TMCC1: variants seen among roughly 807,000 people sequenced by gnomAD.
The protein encoded by TMCC1 is transmembrane and coiled-coil domains protein 1.
A neutral mutation model predicts 52.4 loss-of-function variants in TMCC1; 15 were observed. The observed-to-expected ratio is 0.29, with a 90% CI of 0.19 to 0.44. The LOEUF (loss-of-function observed/expected upper bound fraction) is 0.44, where lower values mean the gene tolerates loss of function less well. TMCC1 is among the 20% of genes least tolerant of loss of function. The pLI is 1.00. For missense variants in TMCC1, 503 were observed against 806.0 expected, an observed-to-expected ratio of 0.62 and a Z score of 4.55; for synonymous variants, 279 against 301.9, an observed-to-expected ratio of 0.92 and a Z score of 0.79.
intron 4 of TMCC1, among the ~76,000 whole-genome samples, chr3:129,813,045 C>T (rs956307127): frequency 2.6e-5 from 4 of 152,114 alleles, no homozygotes; most frequent in Non-Finnish European, 4.4e-5. Context: ...CATGCAGCAA[C>T]AGGCTTATGA....
chr3:129,856,558 G>A (rs1238413174), intron 2 of TMCC1, among the ~76,000 whole-genome samples: 1 of 152,130 alleles, frequency 6.6e-6, no homozygotes, highest in Non-Finnish European at 1.5e-5. Context: ...ATGTCAAACA[G>A]TATTTCAAAC....
chr3:129,714,529 A>G (rs1227893220), intron 4 of TMCC1, among the ~76,000 whole-genome samples: 1 of 152,238 alleles, frequency 6.6e-6, no homozygotes. Flanking sequence ...ATATAAAGGT[A>G]GGCCCATTTG....
At chr3:129,858,076 C>T (rs189332042) in intron 2 of TMCC1, among the ~76,000 whole-genome samples, 10 of 151,506 alleles carry the variant, frequency 6.6e-5, no homozygotes, top group Admixed American at 1.3e-4. Context: ...ACAATGCTAA[C>T]ACAACTTTCT....
chr3:129,834,741 C>A (rs549770535), intron 2 of TMCC1, among the ~76,000 whole-genome samples: 12 of 152,078 alleles, frequency 7.9e-5, no homozygotes, highest in African/African-American at 2.7e-4. Context: ...AAGGAATGAG[C>A]GCACAAAGTA....
intron 5 of TMCC1, among the ~76,000 whole-genome samples, chr3:129,662,356 ACAGT>A (rs1253239176): frequency 6.6e-6 from 1 of 152,220 alleles, no homozygotes; most frequent in Non-Finnish European, 1.5e-5. Context: ...GCTGTATGGT[ACAGT>A]CAATTGTTCC....
At chr3:129,666,506 A>G (rs1259970883) in intron 5 of TMCC1, among the ~76,000 whole-genome samples, 1 of 152,100 alleles carries the variant, frequency 6.6e-6, no homozygotes, top group East Asian at 1.9e-4. Flanking sequence ...TGGGAGGCTG[A>G]GGTGGGTGGA....
intron 4 of TMCC1, among the ~76,000 whole-genome samples, chr3:129,790,033 A>G (rs1413223650): frequency 9.2e-5 from 14 of 152,198 alleles, no homozygotes; most frequent in Admixed American, 9.2e-4. Flanking sequence ...TTTTTTCACC[A>G]TATGAAAAAT....
intron 4 of TMCC1, among the ~76,000 whole-genome samples, chr3:129,794,870 G>A (rs553292221): frequency 2.2e-3 from 337 of 152,208 alleles, no homozygotes; most frequent in African/African-American, 7.8e-3. Flanking sequence ...AGACAGCAAC[G>A]CACCCTTCTC....
At chr3:129,783,212 G>A (rs1053665372) in intron 4 of TMCC1, among the ~76,000 whole-genome samples, 2 of 152,106 alleles carry the variant, frequency 1.3e-5, no homozygotes, top group Admixed American at 1.3e-4. Context: ...GATTCAGAAA[G>A]GTATCAGATC....
chr3:129,708,946 T>C (rs1425855063), intron 4 of TMCC1, among the ~76,000 whole-genome samples: 1 of 152,192 alleles, frequency 6.6e-6, no homozygotes, highest in Non-Finnish European at 1.5e-5. Context: ...AGAAAATCTG[T>C]TTAATATCCT....
chr3:129,675,576 T>G (rs1242778592), intron 4 of TMCC1, among the ~76,000 whole-genome samples: 1 of 152,214 alleles, frequency 6.6e-6, no homozygotes, highest in Non-Finnish European at 1.5e-5. Context: ...CTAGAATATA[T>G]TCCCGTCCAA....
chr3:129,746,777 G>A (rs949198401), intron 4 of TMCC1, among the ~76,000 whole-genome samples: 4 of 152,200 alleles, frequency 2.6e-5, no homozygotes, highest in Non-Finnish European at 5.9e-5. Flanking sequence ...GTTGGGGTAA[G>A]AGTCTGTTGT....
At chr3:129,659,053 T>C (rs78300484) in intron 5 of TMCC1, among the ~76,000 whole-genome samples, 1 of 151,998 alleles carries the variant, frequency 6.6e-6, no homozygotes, top group East Asian at 1.9e-4. Flanking sequence ...TAGAGTTTGA[T>C]TCTTTGTAGT....
intron 4 of TMCC1, among the ~76,000 whole-genome samples, chr3:129,726,106 T>C (rs2050060581): frequency 6.6e-6 from 1 of 152,160 alleles, no homozygotes; most frequent in Admixed American, 6.5e-5. Flanking sequence ...GGAATAGGCA[T>C]TAATATGGAA....
At chr3:129,761,190 T>A (rs1315448478) in intron 4 of TMCC1, among the ~76,000 whole-genome samples, 3 of 140,428 alleles carry the variant, frequency 2.1e-5, no homozygotes, top group Admixed American at 2.1e-4. Context: ...TGGCCGGGCG[T>A]AGTGGCAGGC....
At chr3:129,865,374 C>T (rs1031950131) in intron 2 of TMCC1, among the ~76,000 whole-genome samples, 1 of 151,228 alleles carries the variant, frequency 6.6e-6, no homozygotes, top group South Asian at 2.1e-4. Context: ...TTGTTTCAAA[C>T]TCGTGGGCTC....
intron 4 of TMCC1, among the ~76,000 whole-genome samples, chr3:129,707,034 A>T (rs1031267569): frequency 3.3e-5 from 5 of 152,166 alleles, no homozygotes; most frequent in African/African-American, 1.2e-4. Flanking sequence ...GGGGATAGAT[A>T]TGAATGACTG....
rs1052698984 is a variant in TMCC1, at chr3:129,893,707, G to C, written c.-648C>G. ...CCGGCGCGGGAGGGCGAACCGGCGCGAGAGAGCGAGCGCGCGCGCGCCCCC... is the reference window on the plus strand; with the variant it reads ...CCGGCGCGGGAGGGCGAACCGGCGCCAGAGAGCGAGCGCGCGCGCGCCCCC... On this transcript the variant is annotated 5_prime_UTR_variant, in exon 1 of 7. Coordinates refer to ENST00000393238, the MANE Select transcript of TMCC1 (RefSeq NM_001017395.5). 139 of 148,950 alleles carry C rather than the reference G, an allele frequency of 9.3e-4. No individual in the cohort carries two copies. The highest frequency in any genetic ancestry group is 3.1e-3 in the African/African-American group (127 of 41,018). The allele number at this position is 148,950 out of a possible 1,614,324, so 9.2% of individuals were successfully genotyped here. A position where few individuals can be genotyped will look rare whatever the true frequency, so the allele number is the denominator to read the frequency against.
chr3:129,714,475 C>T (rs1338369080), intron 4 of TMCC1, among the ~76,000 whole-genome samples: 1 of 152,064 alleles, frequency 6.6e-6, no homozygotes, highest in Non-Finnish European at 1.5e-5. Context: ...GTAAACTTGA[C>T]CACCTGGAAA....
Sources: allele counts gnomAD v4.1 joint callset (sites outside exome capture counted in the v4.1 genomes callset), GRCh38; gene constraint gnomAD v4.1.1; transcripts MANE v1.5; gene names NCBI Gene and HGNC (gene_info 2026-07-23, HGNC 2026-07-21).